CCNY: variants seen among roughly 807,000 people sequenced by gnomAD.
CCNY encodes cyclin Y, also known as cyclin-Y.
A neutral mutation model predicts 42.8 loss-of-function variants in CCNY; 19 were observed. The observed-to-expected ratio is 0.44, with a 90% CI of 0.31 to 0.65. CCNY has a LOEUF of 0.65. CCNY is among the 30% of genes least tolerant of loss of function. The probability of loss-of-function intolerance (pLI) is 0.07; values close to 1 mark genes in which losing one functional copy is unlikely to be tolerated. For missense variants in CCNY, 370 were observed against 437.3 expected (o/e 0.85, Z 1.37); for synonymous variants, 165 against 162.7 (o/e 1.01, Z -0.11).
At chr10:35,363,336 C>A (rs1836739438) in intron 1 of CCNY, among the ~76,000 whole-genome samples, 1 of 151,488 alleles carries the variant, frequency 6.6e-6, no homozygotes, top group South Asian at 2.1e-4. Flanking sequence ...CTCCTCTCTT[C>A]CCAGACAGTG....
rs565660223 is a variant in CCNY, at chr10:35,519,001, A to G, written c.365+2378A>G. On this transcript the variant is annotated intron_variant, in intron 4 of 9. Transcript: ENST00000374704. ...TCTTGATTGAATCTGGCTGAGGCAT[A>G]CTGTGGGTATTTGGATTTGTAACAG... is the stretch of plus-strand genomic sequence containing the variant. Among the ~76,000 whole-genome samples, 12 of 145,702 alleles carry G rather than the reference A, an allele frequency of 8.2e-5. No homozygotes were observed. In the East Asian group the frequency reaches 1.7e-3, roughly 20 times the overall value.
chr10:35,477,314 G>A (rs1161351388), intron 1 of CCNY, among the ~76,000 whole-genome samples: 4 of 151,728 alleles, frequency 2.6e-5, no homozygotes, highest in East Asian at 1.9e-4. Flanking sequence ...TGATACCAAA[G>A]CCGGGCAGAG....
intron 1 of CCNY, among the ~76,000 whole-genome samples, chr10:35,462,757 C>G (rs1311031402): frequency 6.6e-6 from 1 of 152,224 alleles, no homozygotes; most frequent in Non-Finnish European, 1.5e-5. Context: ...AGCCGTCCCT[C>G]TACCCACAGC....
chr10:35,309,415 G>A (rs1835654278), intron 3 of CCNY, among the ~76,000 whole-genome samples: 1 of 152,084 alleles, frequency 6.6e-6, no homozygotes, highest in Non-Finnish European at 1.5e-5. Flanking sequence ...GAGAGGAAGA[G>A]CAGTGGGTTT....
At chr10:35,286,912 G>A (rs539731567) in intron 3 of CCNY, among the ~76,000 whole-genome samples, 2 of 151,998 alleles carry the variant, frequency 1.3e-5, no homozygotes, top group Non-Finnish European at 2.9e-5. Flanking sequence ...CACCTGCCTC[G>A]GCCTCTCAAA....
intron 7 of CCNY, among the ~76,000 whole-genome samples, chr10:35,542,455 T>G (rs1452473947): frequency 1.3e-5 from 2 of 152,146 alleles, no homozygotes; most frequent in African/African-American, 4.8e-5. Context: ...TTCTCCACTT[T>G]CTGTACTGTG....
intron 3 of CCNY, among the ~76,000 whole-genome samples, chr10:35,296,345 C>A (rs971375781): frequency 6.6e-6 from 1 of 152,046 alleles, no homozygotes; most frequent in African/African-American, 2.4e-5. Context: ...TTTGGGAGGC[C>A]GAGGCAGGTG....
chr10:35,328,523 CAAG>C (rs1159614104), intron 3 of CCNY, among the ~76,000 whole-genome samples: 1 of 152,146 alleles, frequency 6.6e-6, no homozygotes, highest in African/African-American at 2.4e-5. Flanking sequence ...AACTAAGCAA[CAAG>C]AAGACTCTGT....
chr10:35,251,797 C>T (rs570761204), intron 3 of CCNY, among the ~76,000 whole-genome samples: 94 of 151,402 alleles, frequency 6.2e-4, no homozygotes, highest in African/African-American at 2.1e-3. Flanking sequence ...TTATGTTGCC[C>T]GGGCTGGTCT....
chr10:35,535,253 T>C (rs1475000520), intron 7 of CCNY, among the ~76,000 whole-genome samples: 1 of 152,008 alleles, frequency 6.6e-6, no homozygotes, highest in East Asian at 1.9e-4. Context: ...AGTCAGCTGC[T>C]TGACTTAGAG....
At chr10:35,420,002 G>GT (rs1191427786) in intron 1 of CCNY, among the ~76,000 whole-genome samples, 3 of 143,470 alleles carry the variant, frequency 2.1e-5, no homozygotes, top group East Asian at 2.0e-4. Flanking sequence ...TTCTTATCTA[G>GT]TTTTTTCTCT....
At chr10:35,499,944 A>T (rs1840077943) in intron 2 of CCNY, among the ~76,000 whole-genome samples, 2 of 152,234 alleles carry the variant, frequency 1.3e-5, no homozygotes, top group African/African-American at 4.8e-5. Context: ...CGCTCTATAT[A>T]TGTATGTATG....
chr10:35,430,004 C>G (rs1420138373), intron 1 of CCNY, among the ~76,000 whole-genome samples: 1 of 152,074 alleles, frequency 6.6e-6, no homozygotes, highest in Non-Finnish European at 1.5e-5. Flanking sequence ...TTGTTCTGTT[C>G]CTAAGTCCCT....
intron 3 of CCNY, among the ~76,000 whole-genome samples, chr10:35,311,028 G>A (rs1589029674): frequency 1.3e-5 from 2 of 149,110 alleles, no homozygotes; most frequent in South Asian, 2.1e-4. Context: ...AAAACAAGAG[G>A]ATTGGAAGGC....
chr10:35,303,482 GA>G (rs1835562863), intron 3 of CCNY, among the ~76,000 whole-genome samples: 1 of 150,300 alleles, frequency 6.7e-6, no homozygotes, highest in Non-Finnish European at 1.5e-5. Context: ...TTCTTAAAAA[GA>G]AAGAGGAAAG....
intron 3 of CCNY, among the ~76,000 whole-genome samples, chr10:35,303,513 C>T (rs1330061656): frequency 2.6e-5 from 4 of 150,998 alleles, no homozygotes; most frequent in Admixed American, 6.6e-5. Flanking sequence ...CATGGTGGCT[C>T]GTGCCTGTAA....
chr10:35,483,803 G>A (rs1014150806), intron 2 of CCNY, among the ~76,000 whole-genome samples: 8 of 152,164 alleles, frequency 5.3e-5, no homozygotes, highest in African/African-American at 7.2e-5. Flanking sequence ...AAGATCAGAA[G>A]TATTTGTTAA....
chr10:35,434,270 C>T (rs568137947), intron 1 of CCNY: 1 of 152,220 alleles, frequency 6.6e-6, no homozygotes, highest in Non-Finnish European at 1.5e-5. Context: ...ATGTTGTCTC[C>T]CTCTGTCTGA....
intron 1 of CCNY, among the ~76,000 whole-genome samples, chr10:35,365,459 GA>G (rs1357959850): frequency 6.6e-6 from 1 of 152,044 alleles, no homozygotes; most frequent in Non-Finnish European, 1.5e-5. Context: ...ACTACTACTT[GA>G]AAAAATGTTG....
Sources: allele counts gnomAD v4.1 joint callset (sites outside exome capture counted in the v4.1 genomes callset), GRCh38; gene constraint gnomAD v4.1.1; transcripts MANE v1.5; gene names NCBI Gene and HGNC (gene_info 2026-07-23, HGNC 2026-07-21).